PXDNL: variants seen among roughly 807,000 people sequenced by gnomAD.
PXDNL encodes peroxidasin like, also known as probable oxidoreductase PXDNL.
A neutral mutation model predicts 150.8 loss-of-function variants in PXDNL; 145 were observed. The ratio of observed to expected loss-of-function variants is 0.96; its 90% CI spans 0.84 to 1.10. The LOEUF is 1.10. PXDNL is among the 50% of genes least tolerant of loss of function. The pLI, the probability that PXDNL is intolerant of heterozygous loss-of-function variation, is 0.00. For missense variants in PXDNL, 2,087 were observed against 1,873.9 expected (o/e 1.11, Z -2.10); for synonymous variants, 757 against 725.7 (o/e 1.04, Z -0.69).
intron 1 of PXDNL, among the ~76,000 whole-genome samples, chr8:51,673,371 T>C (rs1235817818): frequency 6.6e-6 from 1 of 152,232 alleles, no homozygotes; most frequent in African/African-American, 2.4e-5. Flanking sequence ...AATTTCATTT[T>C]CTTTTTTACT....
At chr8:51,356,592 G>A (rs1447760771) in intron 19 of PXDNL, among the ~76,000 whole-genome samples, 1 of 151,816 alleles carries the variant, frequency 6.6e-6, no homozygotes, top group Non-Finnish European at 1.5e-5. Context: ...TATGTTAAGT[G>A]ATATAAAATA....
At chr8:51,567,568 G>A (rs182929272) in intron 3 of PXDNL, among the ~76,000 whole-genome samples, 19 of 151,800 alleles carry the variant, frequency 1.3e-4, no homozygotes, top group Admixed American at 2.6e-4. Flanking sequence ...TGCTTTATCT[G>A]AAATTAATAT....
At chr8:51,603,299 T>C (rs940437074) in intron 2 of PXDNL, among the ~76,000 whole-genome samples, 1 of 152,006 alleles carries the variant, frequency 6.6e-6, no homozygotes, top group African/African-American at 2.4e-5. Flanking sequence ...AAAATTTCCT[T>C]TGCATATTTT....
At position 51,649,985 on chromosome 8, in the gene PXDNL, C is replaced by T. The variant is rs1681309739; in HGVS notation, c.236+4704G>A. On this transcript the variant is annotated intron_variant, in intron 2 of 22. Coordinates refer to ENST00000356297, the MANE Select transcript of PXDNL (RefSeq NM_144651.5). Reference sequence around the variant, plus strand: ...AGGTGTGCTGGTGCATGCCTGTAATCCCAGCTAGTTGGGAGGCTGAGGCAG... The same window carrying T: ...AGGTGTGCTGGTGCATGCCTGTAATTCCAGCTAGTTGGGAGGCTGAGGCAG... Among the ~76,000 whole-genome samples, 3 of 151,770 alleles carry T rather than the reference C, an allele frequency of 2.0e-5. No individual in the cohort carries two copies. In the South Asian group the frequency reaches 6.2e-4, roughly 32 times the overall value.
At chr8:51,781,928 C>A (rs1327984284) in intron 1 of PXDNL, among the ~76,000 whole-genome samples, 7 of 152,208 alleles carry the variant, frequency 4.6e-5, no homozygotes, top group Non-Finnish European at 1.0e-4. Context: ...AGAATACCGC[C>A]CCATCCTCCT....
intron 1 of PXDNL, among the ~76,000 whole-genome samples, chr8:51,664,045 T>G (rs1815329792): frequency 7.9e-6 from 1 of 127,104 alleles, no homozygotes. Flanking sequence ...AGCGAGACTC[T>G]GTCTCAAAAA....
At chr8:51,633,728 G>A (rs926148520) in intron 2 of PXDNL, among the ~76,000 whole-genome samples, 2 of 152,164 alleles carry the variant, frequency 1.3e-5, no homozygotes, top group Non-Finnish European at 2.9e-5. Flanking sequence ...TTTCTCAGAT[G>A]ATTAGTGACG....
chr8:51,805,380 T>C (rs1386721710), intron 1 of PXDNL, among the ~76,000 whole-genome samples: 1 of 147,106 alleles, frequency 6.8e-6, no homozygotes, highest in Admixed American at 6.8e-5. Flanking sequence ...ATTATAAAAT[T>C]ATGTTTGCTG....
intron 2 of PXDNL, among the ~76,000 whole-genome samples, chr8:51,639,229 A>C (rs377735610): frequency 6.6e-6 from 1 of 152,218 alleles, no homozygotes; most frequent in Non-Finnish European, 1.5e-5. Flanking sequence ...TATAGCACTA[A>C]ATGCCCACAA....
intron 2 of PXDNL, among the ~76,000 whole-genome samples, chr8:51,649,036 A>C (rs1474687448): frequency 6.6e-6 from 1 of 152,206 alleles, no homozygotes; most frequent in Non-Finnish European, 1.5e-5. Flanking sequence ...GTGAAGAACA[A>C]TGAATAAGAG....
At chr8:51,683,071 T>C (rs991256417) in intron 1 of PXDNL, among the ~76,000 whole-genome samples, 3 of 149,984 alleles carry the variant, frequency 2.0e-5, no homozygotes, top group African/African-American at 7.3e-5. Context: ...ATCTCCATAC[T>C]GTTTTCCATG....
At chr8:51,372,186 C>T (rs1055267695) in intron 18 of PXDNL, 105 bp from the exon 19 acceptor site, 12 of 715,942 alleles carry the variant, frequency 1.7e-5, no homozygotes, top group African/African-American at 5.4e-5. Context: ...ACATAAAAGA[C>T]GCATACTGAA....
At chr8:51,768,892 G>T in intron 1 of PXDNL, among the ~76,000 whole-genome samples, 1 of 152,276 alleles carries the variant, frequency 6.6e-6, no homozygotes, top group Non-Finnish European at 1.5e-5. Context: ...TCAGGAGATC[G>T]AGACTATCCT....
intron 1 of PXDNL, among the ~76,000 whole-genome samples, chr8:51,748,605 A>T (rs1401636512): frequency 6.6e-6 from 1 of 152,188 alleles, no homozygotes; most frequent in Non-Finnish European, 1.5e-5. Flanking sequence ...TTGTTTGGGC[A>T]TGGGGGTGAA....
chr8:51,380,780 CTTTA>C (rs1178124207), intron 17 of PXDNL, among the ~76,000 whole-genome samples: 1 of 152,022 alleles, frequency 6.6e-6, no homozygotes, highest in Non-Finnish European at 1.5e-5. Flanking sequence ...TTGAGATGTT[CTTTA>C]TTTAGTTAGG....
intron 17 of PXDNL, among the ~76,000 whole-genome samples, chr8:51,376,251 A>G (rs1451261085): frequency 2.0e-5 from 3 of 152,222 alleles, no homozygotes; most frequent in Non-Finnish European, 4.4e-5. Flanking sequence ...TCACCTGGAG[A>G]GCTGTACAGC....
intron 8 of PXDNL, among the ~76,000 whole-genome samples, chr8:51,461,933 GCA>G (rs1269687114): frequency 6.6e-6 from 1 of 152,112 alleles, no homozygotes; most frequent in African/African-American, 2.4e-5. Flanking sequence ...TTACTCTTAA[GCA>G]CCATCTACTC....
chr8:51,620,762 G>A lies in PXDNL; in HGVS notation c.237-28064C>T, dbSNP rs192163592. ...AGGTTTCCTCGTGTTGCCCAGGCTG[G>A]TCTGAACTCCTGAGCTCAGGCAATC... On this transcript the variant is annotated intron_variant, in intron 2 of 22. Coordinates refer to ENST00000356297, the MANE Select transcript of PXDNL (RefSeq NM_144651.5). Among the ~76,000 whole-genome samples, 372 of 152,238 alleles carry A rather than the reference G, an allele frequency of 2.4e-3. 1 individual carries two copies. The highest frequency in any genetic ancestry group is 8.7e-3 in the African/African-American group (363 of 41,538).
chr8:51,645,172 C>T (rs1422866278), intron 2 of PXDNL, among the ~76,000 whole-genome samples: 1 of 152,060 alleles, frequency 6.6e-6, no homozygotes, highest in Non-Finnish European at 1.5e-5. Flanking sequence ...GATGTCCCAG[C>T]TCAGCATTCA....
Sources: gnomAD v4.1 joint callset for allele counts (sites outside exome capture counted in the v4.1 genomes callset) on GRCh38, gnomAD v4.1.1 for gene constraint, MANE v1.5 for transcripts, NCBI Gene and HGNC (gene_info 2026-07-23, HGNC 2026-07-21) for gene names.